Variants in FCHO2 observed in about 807,000 individuals in gnomAD.
FCHO2 encodes F-BAR domain only protein 2.
Under a neutral mutation model 114.1 loss-of-function variants are expected in FCHO2, and 43 were observed. That is an observed-to-expected ratio of 0.38 (90% CI 0.30 to 0.49). FCHO2 has a LOEUF of 0.49. Ranked by LOEUF, FCHO2 falls within the 20% of genes least tolerant of loss-of-function variation. The probability of loss-of-function intolerance (pLI) is 0.97; values close to 1 mark genes in which losing one functional copy is unlikely to be tolerated. For missense variants in FCHO2, 807 were observed against 950.4 expected, an observed-to-expected ratio of 0.85 and a Z score of 1.98; for synonymous variants, 293 against 315.2, an observed-to-expected ratio of 0.93 and a Z score of 0.75.
chr5:73,063,896 T>C lies in FCHO2; in HGVS notation c.1401T>C (p.Ala467=). The C allele has an allele frequency of 1.2e-6, 2 of 1,612,082 alleles. No homozygotes were observed. Among genetic ancestry groups the C allele is most frequent in the Non-Finnish European group, 8.5e-7 (1 of 1,178,878 alleles). ...VGTIVPPPRP[A]SRPKLTSGKL... ...CCATTGTCCCACCTCCGAGGCCTGC[T>C]TCCAGACCAAAGCTTACTTCAGGCA... Residue 467 remains alanine, a synonymous_variant, in exon 18 of 26, where the codon GCT becomes GCC. Coordinates refer to ENST00000430046, the MANE Select transcript of FCHO2 (RefSeq NM_138782.3).
chr5:73,061,091 G>A (rs969825907), intron 17 of FCHO2, among the ~76,000 whole-genome samples: 15 of 151,482 alleles, frequency 9.9e-5, no homozygotes, highest in African/African-American at 3.4e-4. Context: ...GATGTAGTCC[G>A]ATGTACTTCC....
intron 18 of FCHO2, among the ~76,000 whole-genome samples, chr5:73,064,944 A>G (rs769008929): frequency 1.3e-5 from 2 of 151,942 alleles, no homozygotes; most frequent in Non-Finnish European, 2.9e-5. Context: ...TATTTTTGTT[A>G]GTTCATATAT....
chr5:73,077,732 C>A (rs543021415), intron 21 of FCHO2, among the ~76,000 whole-genome samples: 2 of 152,194 alleles, frequency 1.3e-5, no homozygotes, highest in Admixed American at 1.3e-4. Flanking sequence ...TTCCTGTAGT[C>A]CCAGCTACTC....
chr5:72,990,531 A>C lies in FCHO2; in HGVS notation c.254A>C (p.Asn85Thr). The C allele has an allele frequency of 6.5e-7, 1 of 1,539,282 alleles. No homozygotes were observed. Among genetic ancestry groups the C allele is most frequent in the Non-Finnish European group, 8.7e-7 (1 of 1,144,142 alleles). Residue 85 changes from asparagine (N) to threonine (T), a missense_variant, in exon 4 of 26, where the codon AAT becomes ACT. Transcript: ENST00000430046. ...AAAACATCTACAGAGAAATTAGCAA[A>C]TTGTCACTTGGATCTTGTTAGAAAA... The part of the protein sequence containing the change: ...VFKTSTEKLA[N>T]CHLDLVRKLQ...
intron 8 of FCHO2, among the ~76,000 whole-genome samples, chr5:73,028,297 C>CTTTATAT (rs1756048263): frequency 6.6e-6 from 1 of 152,194 alleles, no homozygotes; most frequent in Non-Finnish European, 1.5e-5. Flanking sequence ...GGTGCAACCA[C>CTTTATAT]TCTGGAAAAT....
intron 17 of FCHO2, among the ~76,000 whole-genome samples, chr5:73,060,486 A>G (rs1479490787): frequency 6.6e-6 from 1 of 152,086 alleles, no homozygotes; most frequent in Non-Finnish European, 1.5e-5. Flanking sequence ...TAGGCATTTT[A>G]TCTTAAATTT....
At position 73,077,486 on chromosome 5, in the gene FCHO2, G is replaced by A. The variant is rs1742951784; in HGVS notation, c.1840G>A (p.Val614Met). ...GCAGATTCTTCCAAATGCACAGCTT[G>A]TGTTCAGGTTTGTGTACTTTTTGTT... The part of the protein sequence containing the change: ...LEQILPNAQL[V>M]FSDPSQCDSN... The change falls in exon 21 of 26, where the codon GTG becomes ATG. Residue 614 changes from valine (V) to methionine (M), a missense_variant. By Grantham distance (21) the Val-to-Met change is conservative. Coordinates refer to ENST00000430046, the MANE Select transcript of FCHO2 (RefSeq NM_138782.3). 3 of 1,597,176 alleles carry A rather than the reference G, an allele frequency of 1.9e-6. No homozygotes were observed. The highest frequency in any genetic ancestry group is 2.3e-5 in the South Asian group (2 of 87,890).
intron 2 of FCHO2, among the ~76,000 whole-genome samples, chr5:72,984,862 C>G (rs1753420231): frequency 6.6e-6 from 1 of 152,018 alleles, no homozygotes; most frequent in African/African-American, 2.4e-5. Context: ...TCTCAAACAC[C>G]AGAGCTCAAG....
chr5:73,048,540 C>T (rs147913363), intron 11 of FCHO2, among the ~76,000 whole-genome samples: 24 of 152,276 alleles, frequency 1.6e-4, no homozygotes, highest in African/African-American at 5.5e-4. Flanking sequence ...GGAGGAATGG[C>T]TTTACCCATT....
chr5:72,964,477 G>A (rs967981614), intron 1 of FCHO2, among the ~76,000 whole-genome samples: 1 of 152,026 alleles, frequency 6.6e-6, no homozygotes, highest in Admixed American at 6.6e-5. Flanking sequence ...TCTGCCTCCC[G>A]GGTTCAAGTG....
chr5:73,055,397 C>T (rs1178734437), intron 15 of FCHO2, among the ~76,000 whole-genome samples: 1 of 152,088 alleles, frequency 6.6e-6, no homozygotes, highest in East Asian at 1.9e-4. Context: ...GGAAGTTACT[C>T]ATATTGATGT....
intron 2 of FCHO2, among the ~76,000 whole-genome samples, chr5:72,980,747 C>T (rs1044908412): frequency 6.6e-6 from 1 of 152,064 alleles, no homozygotes; most frequent in Non-Finnish European, 1.5e-5. Context: ...TCTGTTTTAT[C>T]GAAGACTAGG....
At chr5:73,009,097 TG>T (rs1180056110) in intron 6 of FCHO2, among the ~76,000 whole-genome samples, 1 of 152,152 alleles carries the variant, frequency 6.6e-6, no homozygotes, top group Non-Finnish European at 1.5e-5. Context: ...AGAAGAAAAC[TG>T]GAAGTGTAAT....
At chr5:73,049,505 C>T (rs1198713734) in intron 11 of FCHO2, among the ~76,000 whole-genome samples, 1 of 152,082 alleles carries the variant, frequency 6.6e-6, no homozygotes, top group East Asian at 1.9e-4. Context: ...TTTTATCTCA[C>T]ATATTTGTGA....
chr5:73,056,941 C>T (rs59422293), intron 16 of FCHO2, among the ~76,000 whole-genome samples: 23,735 of 151,814 alleles, frequency 0.16, 2,073 homozygotes, highest in East Asian at 0.35. Flanking sequence ...GTTAAGAATA[C>T]TCTCTTTGAG....
Position 73,068,718 on chromosome 5 carries a change from A to G in FCHO2, c.1518A>G (p.Ala506=). 2 of 1,612,480 alleles carry G rather than the reference A, an allele frequency of 1.2e-6. No individual in the cohort carries two copies. The highest frequency in any genetic ancestry group is 1.7e-4 in the Middle Eastern group (1 of 6,046). ...CTCCTGCTGCACCATTAGCCCGGGC[A>G]GAAAGTTCTTCTTCTATCTCATCAT... ...SPPPAAPLAR[A]ESSSSISSSA... is the part of the protein sequence containing the mutation. The change falls in exon 19 of 26, where the codon GCA becomes GCG. Residue 506 remains alanine, a synonymous_variant. Coordinates refer to ENST00000430046, the MANE Select transcript of FCHO2 (RefSeq NM_138782.3).
intron 8 of FCHO2, 56 bp from the exon 9 acceptor site, chr5:73,034,600 TA>T (rs1302334738): frequency 3.5e-6 from 5 of 1,416,976 alleles, no homozygotes; most frequent in Non-Finnish European, 4.8e-6. Flanking sequence ...AAAAAAGTTT[TA>T]AAATTTACCT....
At chr5:73,077,943 CTTTT>C (rs764074418) in intron 21 of FCHO2, among the ~76,000 whole-genome samples, 3 of 152,098 alleles carry the variant, frequency 2.0e-5, no homozygotes, top group Non-Finnish European at 2.9e-5. Context: ...TTTCTGCTGT[CTTTT>C]TATTTTGTTT....
intron 8 of FCHO2, among the ~76,000 whole-genome samples, chr5:73,029,747 A>G (rs1756130686): frequency 1.3e-5 from 2 of 152,142 alleles, no homozygotes; most frequent in African/African-American, 2.4e-5. Flanking sequence ...CATGAGACAG[A>G]TGGGGGAGGT....
Sources: allele counts gnomAD v4.1 joint callset (sites outside exome capture counted in the v4.1 genomes callset), GRCh38; gene constraint gnomAD v4.1.1; transcripts MANE v1.5; gene names NCBI Gene and HGNC (gene_info 2026-07-23, HGNC 2026-07-21).